The following PPM1H variants were observed in gnomAD, a reference collection of about 807,000 sequenced individuals.
The protein encoded by PPM1H is protein phosphatase, Mg2+/Mn2+ dependent 1H, also known as protein phosphatase 1H.
In PPM1H, 27 loss-of-function variants were observed where a neutral mutation model predicts 54.9. That is an observed-to-expected ratio of 0.49 (90% confidence interval 0.36 to 0.68). The LOEUF is 0.68. Ranked by LOEUF, PPM1H falls within the 30% of genes least tolerant of loss-of-function variation. The pLI, the probability that PPM1H is intolerant of heterozygous loss-of-function variation, is 0.00. For missense variants in PPM1H, 596 were observed against 667.8 expected (o/e 0.89, Z 1.19); for synonymous variants, 305 against 270.8 (o/e 1.13, Z -1.24).
intron 9 of PPM1H, among the ~76,000 whole-genome samples, chr12:62,649,216 TATTTA>T (rs2075803240): frequency 2.0e-5 from 3 of 150,876 alleles, no homozygotes; most frequent in African/African-American, 7.3e-5. Flanking sequence ...TTTTTTAATT[TATTTA>T]ATTTTTTTTT....
At chr12:62,690,026 T>C (rs1174095859) in intron 7 of PPM1H, among the ~76,000 whole-genome samples, 2 of 152,250 alleles carry the variant, frequency 1.3e-5, no homozygotes, top group African/African-American at 2.4e-5. Context: ...CTATCCATTA[T>C]CTTAAGCTTG....
chr12:62,759,726 C>T (rs1167763410), intron 4 of PPM1H, among the ~76,000 whole-genome samples: 2 of 151,718 alleles, frequency 1.3e-5, no homozygotes, highest in Non-Finnish European at 2.9e-5. Flanking sequence ...CCCTTCTCCA[C>T]TTTCCTGGGG....
At chr12:62,662,656 C>A (rs1482309677) in intron 9 of PPM1H, among the ~76,000 whole-genome samples, 1 of 152,058 alleles carries the variant, frequency 6.6e-6, no homozygotes, top group Non-Finnish European at 1.5e-5. Flanking sequence ...GGGGAAGAGC[C>A]AAAATTCAAC....
rs10650338 is a variant in PPM1H at position 62,815,187 on chromosome 12, C to CT, written c.412-13028dup. The stretch of plus-strand genomic sequence containing the variant: ...GCGTTGTTCGCTTTTTACCATACCT[C>CT]TTTTTTTTTGACTAAATTGTTCGGA... On this transcript the variant is annotated intron_variant, in intron 2 of 9. Coordinates refer to ENST00000228705, the MANE Select transcript of PPM1H (RefSeq NM_020700.2). Among the ~76,000 whole-genome samples the CT allele has an allele frequency of 6.5e-4, 98 of 151,204 alleles. 1 individual carries two copies. The highest frequency in any genetic ancestry group is 7.0e-3 in the Middle Eastern group (2 of 286).
intron 4 of PPM1H, among the ~76,000 whole-genome samples, chr12:62,771,045 G>GACACACACACACACACAC (rs71086630): frequency 7.0e-5 from 9 of 129,422 alleles, no homozygotes; most frequent in African/African-American, 1.5e-4. Context: ...AAAAGAAAAA[G>GACACACACACACACACAC]ACACACACAC....
At chr12:62,802,799 G>T (rs2076779365) in intron 2 of PPM1H, among the ~76,000 whole-genome samples, 1 of 151,998 alleles carries the variant, frequency 6.6e-6, no homozygotes, top group South Asian at 2.1e-4. Flanking sequence ...GCCCAGGCTG[G>T]TCTCAAACTC....
chr12:62,662,066 T>G (rs1297744679), intron 9 of PPM1H, among the ~76,000 whole-genome samples: 1 of 152,204 alleles, frequency 6.6e-6, no homozygotes. Flanking sequence ...CCTGCCTCCG[T>G]AGGCAGCAGT....
chr12:62,735,691 A>G lies in PPM1H; in HGVS notation c.954+1811T>C, dbSNP rs868557585. Among the ~76,000 whole-genome samples, 4 of 152,288 alleles carry G rather than the reference A, an allele frequency of 2.6e-5. No individual in the cohort carries two copies. In the Middle Eastern group the frequency reaches 0.01, roughly 388 times the overall value. Reference sequence around the variant, plus strand: ...AGCAACACCATATGCTGAGAGCCACACTGCAGGGATCTGGAAGCTGTGGTA... The same window carrying G: ...AGCAACACCATATGCTGAGAGCCACGCTGCAGGGATCTGGAAGCTGTGGTA... On this transcript the variant is annotated intron_variant, in intron 5 of 9. Coordinates refer to ENST00000228705, the MANE Select transcript of PPM1H (RefSeq NM_020700.2).
At chr12:62,901,157 T>C (rs533428018) in intron 1 of PPM1H, among the ~76,000 whole-genome samples, 1 of 152,324 alleles carries the variant, frequency 6.6e-6, no homozygotes, top group African/African-American at 2.4e-5. Flanking sequence ...TGCCTTCTAA[T>C]CACAGCAAAG....
At chr12:62,820,379 A>G (rs1476939176) in intron 2 of PPM1H, among the ~76,000 whole-genome samples, 1 of 151,874 alleles carries the variant, frequency 6.6e-6, no homozygotes, top group East Asian at 1.9e-4. Context: ...GTCCCTGTCT[A>G]TGAAGAGAGT....
chr12:62,928,865 G>A (rs1333758758), intron 1 of PPM1H, among the ~76,000 whole-genome samples: 1 of 152,192 alleles, frequency 6.6e-6, no homozygotes, highest in Non-Finnish European at 1.5e-5. Flanking sequence ...AGCTGTCAAC[G>A]TGGTATTGAG....
At chr12:62,878,626 T>TAAAAAAAA (rs34587900) in intron 1 of PPM1H, among the ~76,000 whole-genome samples, 5 of 81,564 alleles carry the variant, frequency 6.1e-5, no homozygotes, top group African/African-American at 1.0e-4. Context: ...TGATTACGCT[T>TAAAAAAAA]AAAAAAAAAA....
chr12:62,883,141 G>T (rs1342107419), intron 1 of PPM1H, among the ~76,000 whole-genome samples: 3 of 152,174 alleles, frequency 2.0e-5, no homozygotes, highest in African/African-American at 7.2e-5. Context: ...GAAGAAAGGA[G>T]CTTCTCATAC....
intron 1 of PPM1H, among the ~76,000 whole-genome samples, chr12:62,860,526 A>G (rs1352990507): frequency 1.3e-5 from 2 of 152,212 alleles, no homozygotes; most frequent in Non-Finnish European, 2.9e-5. Context: ...GAAAAGCAGA[A>G]GTCAGACTTT....
intron 4 of PPM1H, among the ~76,000 whole-genome samples, chr12:62,771,384 T>A (rs1227416630): frequency 6.6e-6 from 1 of 151,684 alleles, no homozygotes; most frequent in Non-Finnish European, 1.5e-5. Context: ...CTTGTCCACA[T>A]CTAACCTGGT....
At chr12:62,771,053 C>T (rs1337683193) in intron 4 of PPM1H, among the ~76,000 whole-genome samples, 1 of 142,524 alleles carries the variant, frequency 7.0e-6, no homozygotes, top group Non-Finnish European at 1.5e-5. Flanking sequence ...AAGACACACA[C>T]ACACACACAC....
chr12:62,832,786 A>G (rs975599321), intron 1 of PPM1H, among the ~76,000 whole-genome samples: 1 of 152,094 alleles, frequency 6.6e-6, no homozygotes, highest in Non-Finnish European at 1.5e-5. Context: ...ATACCCCCCC[A>G]TTTTTGCTTT....
intron 9 of PPM1H, among the ~76,000 whole-genome samples, chr12:62,653,535 CTCTTCTAAACTTGT>C (rs527956567): frequency 6.6e-6 from 1 of 152,304 alleles, no homozygotes; most frequent in African/African-American, 2.4e-5. Flanking sequence ...AAGTTTAACT[CTCTTCTAAACTTGT>C]TCTGTTACAC....
chr12:62,934,450 C>G lies in PPM1H; in HGVS notation c.245+42G>C, dbSNP rs1164113879. The G allele has an allele frequency of 2.0e-6, 3 of 1,502,830 alleles. No homozygotes were observed. In the East Asian group the frequency reaches 7.6e-5, roughly 38 times the overall value. 93.1% of individuals were successfully genotyped at this position (1,502,830 alleles called of 1,614,324 possible). A position where few individuals can be genotyped will look rare whatever the true frequency, so the allele number is the denominator to read the frequency against. On this transcript the variant is annotated intron_variant, in intron 1 of 9. Coordinates refer to ENST00000228705, the MANE Select transcript of PPM1H (RefSeq NM_020700.2). This position sits in a 1 kb window ranked among gnomAD's most constrained non-coding sequence, Gnocchi z 4.2. ...AGGGCTGGAACCGTGCGGGGAAGGG[C>G]CGCGAGGAGAGCAGGGGCGCCGCCG...
Sources: allele counts gnomAD v4.1 joint callset (sites outside exome capture counted in the v4.1 genomes callset), GRCh38; gene constraint gnomAD v4.1.1; non-coding constraint Gnocchi (gnomAD v3.1); transcripts MANE v1.5; gene names NCBI Gene and HGNC (gene_info 2026-07-23, HGNC 2026-07-21).